TRERF1: variants seen among roughly 807,000 people sequenced by gnomAD.
TRERF1 encodes transcriptional regulating factor 1, also known as transcriptional-regulating factor 1.
A neutral mutation model predicts 122.9 loss-of-function variants in TRERF1; 27 were observed. The ratio of observed to expected loss-of-function variants is 0.22; its 90% CI spans 0.16 to 0.30. The LOEUF (loss-of-function observed/expected upper bound fraction) is 0.30. Ranked by LOEUF, TRERF1 falls within the 10% of genes least tolerant of loss-of-function variation. The pLI, the probability that TRERF1 is intolerant of heterozygous loss-of-function variation, is 1.00. For synonymous variants in TRERF1, 636 were observed against 641.7 expected (o/e 0.99, Z 0.13); for missense variants, 1,248 against 1,560.3 (o/e 0.80, Z 3.37).
At chr6:42,277,944 A>AGAAGAAGAAGAAGAG (rs1554141794) in intron 4 of TRERF1, among the ~76,000 whole-genome samples, 4 of 150,230 alleles carry the variant, frequency 2.7e-5, no homozygotes, top group Non-Finnish European at 5.9e-5. Flanking sequence ...AAGAAGAAGA[A>AGAAGAAGAAGAAGAG]GAAGAAGAAG....
At chr6:42,442,434 G>A (rs916420085) in intron 2 of TRERF1, among the ~76,000 whole-genome samples, 1 of 152,098 alleles carries the variant, frequency 6.6e-6, no homozygotes, top group African/African-American at 2.4e-5. Context: ...CAAAGTCAGA[G>A]CCCAGGGGCT....
intron 2 of TRERF1, among the ~76,000 whole-genome samples, chr6:42,385,191 G>T (rs1240463558): frequency 6.6e-6 from 1 of 152,022 alleles, no homozygotes; most frequent in Non-Finnish European, 1.5e-5. Context: ...TGTCCAGGCT[G>T]GTCTCAAACT....
chr6:42,288,574 C>CAAAAAAAAAAAAAA (rs3074797), intron 4 of TRERF1, among the ~76,000 whole-genome samples: 2 of 86,540 alleles, frequency 2.3e-5, no homozygotes, highest in African/African-American at 9.7e-5. Flanking sequence ...ATCTCAAAAC[C>CAAAAAAAAAAAAAA]AAAAAAAAAA....
intron 4 of TRERF1, among the ~76,000 whole-genome samples, chr6:42,272,416 G>A (rs1780390466): frequency 6.6e-6 from 1 of 152,198 alleles, no homozygotes; most frequent in Non-Finnish European, 1.5e-5. Context: ...GCGTGAGAGT[G>A]CTGAGCTTCA....
chr6:42,262,608 ACG>A (rs1491472266), intron 8 of TRERF1, among the ~76,000 whole-genome samples: 15,676 of 102,988 alleles, frequency 0.15, 975 homozygotes, highest in African/African-American at 0.17. Flanking sequence ...AGACAGACAG[ACG>A]GAAACCCTTC....
chr6:42,344,162 G>A (rs1386908249), intron 3 of TRERF1, among the ~76,000 whole-genome samples: 1 of 152,212 alleles, frequency 6.6e-6, no homozygotes, highest in Non-Finnish European at 1.5e-5. Context: ...GGCCAGACTG[G>A]AGACCCTGCT....
In TRERF1 at chr6:42,262,518, A is replaced by C. The variant is rs1450276854; in HGVS notation, c.1884+802T>G. ...GAGAGAGAGAGAGAGAGAGAGAGAG[A>C]GAGAGAGAGAGAGAGAGAGAGAGAG... On this transcript the variant is annotated intron_variant, in intron 8 of 17. Coordinates refer to ENST00000372922, the Ensembl canonical transcript of TRERF1. Among the ~76,000 whole-genome samples, 15 of 32,842 alleles carry C rather than the reference A, an allele frequency of 4.6e-4. 1 individual carries two copies. The South Asian group carries it at 6.3e-3, about 14-fold the overall frequency. The allele number at this position is 32,842 out of a possible 152,430, so 21.5% of individuals were successfully genotyped here.
In TRERF1 at chr6:42,236,423, G is replaced by A. The variant is rs1002391614; in HGVS notation, c.2860-12C>T. On this transcript the variant is annotated splice_polypyrimidine_tract_variant and intron_variant, in intron 15 of 17. Transcript: ENST00000372922. ...TCTTCTTCACTTGTCTAGTGTTAAG[G>A]TAATAAAAGCAAGAGGGGAAAATCC... 1.3e-6 allele frequency: 2 copies of A among 1,550,154 alleles called. No homozygotes were observed. Among genetic ancestry groups the A allele is most frequent in the African/African-American group, 2.7e-5 (2 of 72,972 alleles).
At chr6:42,303,904 T>TAAAAAAAAAAA (rs60880174) in intron 3 of TRERF1, among the ~76,000 whole-genome samples, 6 of 69,256 alleles carry the variant, frequency 8.7e-5, no homozygotes, top group African/African-American at 1.8e-4. Context: ...CACTGTCTCA[T>TAAAAAAAAAAA]AAAAAAAAAA....
chr6:42,415,618 A>C (rs1323621126), intron 2 of TRERF1, among the ~76,000 whole-genome samples: 2 of 152,148 alleles, frequency 1.3e-5, no homozygotes, highest in Non-Finnish European at 2.9e-5. Context: ...TGAAGATCCT[A>C]TATTTTTCCA....
chr6:42,255,036 G>C (rs1355860027), intron 12 of TRERF1, 110 bp from the exon 13 acceptor site: 4 of 1,070,258 alleles, frequency 3.7e-6, no homozygotes, highest in Non-Finnish European at 5.7e-6. Context: ...GGTCAGGGGC[G>C]GGGGCACTGG....
At chr6:42,420,117 T>C (rs1425271254) in intron 2 of TRERF1, among the ~76,000 whole-genome samples, 3 of 152,182 alleles carry the variant, frequency 2.0e-5, no homozygotes, top group Admixed American at 2.0e-4. Flanking sequence ...TAGGAGCTTC[T>C]CCTGTTCTGC....
intron 4 of TRERF1, among the ~76,000 whole-genome samples, chr6:42,278,691 T>C (rs1781732268): frequency 1.3e-5 from 2 of 152,152 alleles, no homozygotes. Context: ...CTGAAAGGTC[T>C]GCAGAAAGAA....
At chr6:42,244,680 T>C (rs1001846402) in intron 14 of TRERF1, among the ~76,000 whole-genome samples, 1 of 152,252 alleles carries the variant, frequency 6.6e-6, no homozygotes, top group Non-Finnish European at 1.5e-5. Flanking sequence ...TGCTTTTTCA[T>C]TTAATATGCT....
chr6:42,234,688 G>A (rs1771687444), intron 16 of TRERF1, among the ~76,000 whole-genome samples: 1 of 152,138 alleles, frequency 6.6e-6, no homozygotes, highest in Non-Finnish European at 1.5e-5. Context: ...CGCTGACTTA[G>A]CAACCAAAGC....
chr6:42,367,550 G>T (rs185968968), intron 2 of TRERF1, among the ~76,000 whole-genome samples: 21 of 152,216 alleles, frequency 1.4e-4, no homozygotes, highest in Admixed American at 4.6e-4. Flanking sequence ...GAGGAGAGGC[G>T]TGCAGAGCCA....
chr6:42,364,707 AC>A (rs1772397821), intron 2 of TRERF1, among the ~76,000 whole-genome samples: 2 of 152,172 alleles, frequency 1.3e-5, no homozygotes, highest in South Asian at 4.1e-4. Context: ...TCTGCAGCAA[AC>A]CCACCGGGTC....
intron 2 of TRERF1, among the ~76,000 whole-genome samples, chr6:42,436,815 ATATATATATATATAT>A (rs1343902340): frequency 3.2e-5 from 2 of 63,198 alleles, no homozygotes; most frequent in Non-Finnish European, 6.3e-5. Flanking sequence ...AAAAAAAAAA[ATATATATATATATAT>A]ATATATATAT....
intron 2 of TRERF1, among the ~76,000 whole-genome samples, chr6:42,382,933 G>T (rs1776195786): frequency 6.6e-6 from 1 of 151,694 alleles, no homozygotes; most frequent in Non-Finnish European, 1.5e-5. Flanking sequence ...GGCTTGGGGG[G>T]TGGGGTGGGT....
Sources: allele counts gnomAD v4.1 joint callset (sites outside exome capture counted in the v4.1 genomes callset), GRCh38; gene constraint gnomAD v4.1.1; transcripts MANE v1.5; gene names NCBI Gene and HGNC (gene_info 2026-07-23, HGNC 2026-07-21).